The following RCAN3 variants were observed in gnomAD, a reference collection of about 807,000 sequenced individuals.
The protein encoded by RCAN3 is regulator of calcineurin 3.
A neutral mutation model predicts 21.9 loss-of-function variants in RCAN3; 19 were observed. The observed-to-expected ratio is 0.87, with a 90% confidence interval of 0.61 to 1.27. The LOEUF is 1.27. Among genes scored for constraint, RCAN3 ranks in the 50% most tolerant of loss-of-function variants. RCAN3 has a pLI of 0.00. For synonymous variants in RCAN3, 114 were observed against 112.3 expected (o/e 1.01, Z -0.09); for missense variants, 240 against 300.1 (o/e 0.80, Z 1.48).
chr1:24,532,807 C>G (rs1023230295), intron 3 of RCAN3, among the ~76,000 whole-genome samples: 7 of 151,372 alleles, frequency 4.6e-5, no homozygotes, highest in Non-Finnish European at 1.0e-4. Flanking sequence ...ACAAAATTAG[C>G]CGGGCGTGGT....
intron 2 of RCAN3, among the ~76,000 whole-genome samples, chr1:24,517,769 G>A (rs1462531862): frequency 1.3e-5 from 2 of 152,156 alleles, no homozygotes; most frequent in Non-Finnish European, 2.9e-5. Context: ...AAGGCAAGAG[G>A]ATCGCTTGAG....
In RCAN3 at chr1:24,540,700, T is replaced by G. The variant is rs1404621927; in HGVS notation, c.*5423T>G. ...TAATTGAACCCAAGAGTCAAAGTTA[T>G]TATTTTCTCCGAACGTGTTTGTGAT... On this transcript the variant is annotated 3_prime_UTR_variant, in exon 5 of 5. Coordinates refer to ENST00000374395, the MANE Select transcript of RCAN3 (RefSeq NM_013441.4). 2 of 152,212 alleles carry G rather than the reference T, an allele frequency of 1.3e-5. No homozygotes were observed. The highest frequency in any genetic ancestry group is 4.8e-5 in the African/African-American group (2 of 41,456). The allele number at this position is 152,212 out of a possible 1,614,324, so 9.4% of individuals were successfully genotyped here.
rs56914359 is a variant in RCAN3 at position 24,530,356 on chromosome 1, C to CAAA, written c.196-841_196-839dup. ...GGCAACAGAGTGAGACTCTTATCTC[C>CAAA]AAAAAAAAAAAAAAAAAAAAAAAGA... On this transcript the variant is annotated intron_variant, in intron 2 of 4. Coordinates refer to ENST00000374395, the MANE Select transcript of RCAN3 (RefSeq NM_013441.4). Among the ~76,000 whole-genome samples the CAAA allele has an allele frequency of 6.1e-3, 493 of 81,428 alleles. 14 individuals are homozygous for CAAA. The highest frequency in any genetic ancestry group is 7.0e-3 in the Non-Finnish European group (294 of 41,898). The allele number at this position is 81,428 out of a possible 152,430, so 53.4% of individuals were successfully genotyped here. A position where few individuals can be genotyped will look rare whatever the true frequency, so the allele number is the denominator to read the frequency against.
In RCAN3 at chr1:24,531,291, T is replaced by G; in HGVS notation, c.269T>G (p.Val90Gly). 1 of 1,613,514 alleles carries G rather than the reference T, an allele frequency of 6.2e-7. No homozygotes were observed. The highest frequency in any genetic ancestry group is 8.5e-7 in the Non-Finnish European group (1 of 1,179,788). ...TFQLFKSFRR[V>G]RINFSKPEAA... is the part of the protein sequence containing the mutation. ...CAGCTGTTTAAAAGCTTTAGAAGAG[T>G]CAGAATAAATTTCAGCAAACCTGAA... is the stretch of plus-strand genomic sequence containing the variant. Residue 90 changes from valine to glycine, a missense_variant, in exon 3 of 5, where the codon GTC becomes GGC. Coordinates refer to ENST00000374395, the MANE Select transcript of RCAN3 (RefSeq NM_013441.4).
At chr1:24,534,203 T>C (rs1650029727) in intron 4 of RCAN3, among the ~76,000 whole-genome samples, 1 of 152,190 alleles carries the variant, frequency 6.6e-6, no homozygotes. Flanking sequence ...AGTGCTGTTT[T>C]TAGACGTTAG....
intron 1 of RCAN3, among the ~76,000 whole-genome samples, chr1:24,511,324 A>G (rs912990940): frequency 3.3e-5 from 5 of 152,186 alleles, no homozygotes; most frequent in African/African-American, 1.2e-4. Context: ...GAAACAAAAC[A>G]AAACAAAACA....
At chr1:24,529,052 A>G (rs548721572) in intron 2 of RCAN3, among the ~76,000 whole-genome samples, 146 of 152,318 alleles carry the variant, frequency 9.6e-4, no homozygotes, top group African/African-American at 3.3e-3. Context: ...TCTATTTGCA[A>G]TTTGAGAAAC....
intron 3 of RCAN3, among the ~76,000 whole-genome samples, chr1:24,531,801 G>A (rs1278934039): frequency 6.6e-6 from 1 of 152,154 alleles, no homozygotes; most frequent in Non-Finnish European, 1.5e-5. Flanking sequence ...ATTCATATGA[G>A]GAACCAGGGA....
chr1:24,520,827 T>C (rs146107672), intron 2 of RCAN3, among the ~76,000 whole-genome samples: 10,578 of 151,734 alleles, frequency 0.07, 1,181 homozygotes, highest in African/African-American at 0.23. Context: ...AAACTTAAAG[T>C]ATAATAATAA....
chr1:24,533,298 T>C (rs1649950146), intron 4 of RCAN3, 44 bp downstream of exon 4: 2 of 1,448,806 alleles, frequency 1.4e-6, no homozygotes, highest in Non-Finnish European at 9.2e-7. Flanking sequence ...CAAGAAACTT[T>C]TGTATTGAAG....
intron 1 of RCAN3, among the ~76,000 whole-genome samples, chr1:24,505,896 CAG>C (rs1451483656): frequency 6.6e-6 from 1 of 152,150 alleles, no homozygotes; most frequent in Non-Finnish European, 1.5e-5. Context: ...CTGATCAGAA[CAG>C]AAAATGCAAG....
At chr1:24,517,620 A>G (rs956815749) in intron 2 of RCAN3, among the ~76,000 whole-genome samples, 1 of 152,226 alleles carries the variant, frequency 6.6e-6, no homozygotes, top group African/African-American at 2.4e-5. Flanking sequence ...TAATACCCTT[A>G]ACAGTAATAT....
In RCAN3 at chr1:24,540,039, T is replaced by C. The variant is rs1650419352; in HGVS notation, c.*4762T>C. ...CCTTGTCCTACAATTCGCTGAATACTTATTTGTCTTTTAAACTCCCCTCGG... is the reference window on the plus strand; with the variant it reads ...CCTTGTCCTACAATTCGCTGAATACCTATTTGTCTTTTAAACTCCCCTCGG... On this transcript the variant is annotated 3_prime_UTR_variant, in exon 5 of 5. Transcript: ENST00000374395. The C allele has an allele frequency of 6.6e-6, 1 of 152,250 alleles. No individual in the cohort carries two copies. Among genetic ancestry groups the C allele is most frequent in the South Asian group, 2.1e-4 (1 of 4,832 alleles). 9.4% of individuals were successfully genotyped at this position (152,250 alleles called of 1,614,324 possible).
At chr1:24,515,427 GGTGTGTGTGTGTGTGTGTGT>G (rs67348372) in intron 2 of RCAN3, among the ~76,000 whole-genome samples, 135 of 146,490 alleles carry the variant, frequency 9.2e-4, no homozygotes, top group African/African-American at 2.8e-3. Context: ...TAGAAAGAGA[GGTGTGTGTGTGTGTGTGTGT>G]GTGTGTGTGT....
chr1:24,538,935 A>G lies in RCAN3; in HGVS notation c.*3658A>G, dbSNP rs1322618516. 1 of 151,932 alleles carries G rather than the reference A, an allele frequency of 6.6e-6. No individual in the cohort carries two copies. Among genetic ancestry groups the G allele is most frequent in the Non-Finnish European group, 1.5e-5 (1 of 67,958 alleles). The allele number at this position is 151,932 out of a possible 1,614,324, so 9.4% of individuals were successfully genotyped here. On this transcript the variant is annotated 3_prime_UTR_variant, in exon 5 of 5. Transcript: ENST00000374395. ...GCAACATAGCAAGTCCCTGGCTCAA[A>G]AAAAAAAAAGTTTCCCATTCATATT... is the stretch of plus-strand genomic sequence containing the variant.
At chr1:24,507,557 C>T (rs2148891030) in intron 1 of RCAN3, 1 of 152,264 alleles carries the variant, frequency 6.6e-6, no homozygotes, top group East Asian at 1.9e-4. Context: ...CAAATAATCA[C>T]AATGTAAGTG....
In RCAN3 at chr1:24,535,649, A is replaced by G. The variant is rs1193131537; in HGVS notation, c.*372A>G. On this transcript the variant is annotated 3_prime_UTR_variant, in exon 5 of 5. Coordinates refer to ENST00000374395, the MANE Select transcript of RCAN3 (RefSeq NM_013441.4). Reference sequence around the variant, plus strand: ...CTGGAAATGTAGTCACACCCAGTACAGTACCATTTTTATGAATTTAAAAAT... The same window carrying G: ...CTGGAAATGTAGTCACACCCAGTACGGTACCATTTTTATGAATTTAAAAAT... The G allele has an allele frequency of 5.0e-6, 1 of 198,322 alleles. No homozygotes were observed. The highest frequency in any genetic ancestry group is 1.0e-5 in the Non-Finnish European group (1 of 99,196). 12.3% of individuals were successfully genotyped at this position (198,322 alleles called of 1,614,324 possible). A position where few individuals can be genotyped will look rare whatever the true frequency, so the allele number is the denominator to read the frequency against.
Position 24,535,167 on chromosome 1 carries a change from G to T in RCAN3, c.616G>T (p.Glu206Ter). The T allele has an allele frequency of 6.3e-7, 1 of 1,595,080 alleles. No individual in the cohort carries two copies. The highest frequency in any genetic ancestry group is 1.1e-5 in the South Asian group (1 of 88,056). The change falls in exon 5 of 5, where the codon GAA becomes TAA. Residue 206 changes from glutamate to a stop codon, truncating the protein, a stop_gained. Transcript: ENST00000374395. LOFTEE classifies it high-confidence loss of function. Reference protein sequence around the residue: ...VVVHVCESETEEEEETKNPKQ... With the variant: ...VVVHVCESET ...GGTTCATGTCTGTGAAAGTGAAACT[G>T]AAGAGGAAGAAGAGACAAAAAACCC...
At chr1:24,532,204 CATTT>C (rs1162758424) in intron 3 of RCAN3, among the ~76,000 whole-genome samples, 2 of 151,748 alleles carry the variant, frequency 1.3e-5, no homozygotes, top group African/African-American at 2.4e-5. Flanking sequence ...TCTCTTCATC[CATTT>C]ATTTATTTAT....
Sources: allele counts gnomAD v4.1 joint callset (sites outside exome capture counted in the v4.1 genomes callset), GRCh38; gene constraint gnomAD v4.1.1; transcripts MANE v1.5; gene names NCBI Gene and HGNC (gene_info 2026-07-23, HGNC 2026-07-21).